The following ZNF418 variants were observed in gnomAD, a reference collection of about 807,000 sequenced individuals.
ZNF418 encodes the protein zinc finger protein 418.
Under a neutral mutation model 32.0 loss-of-function variants are expected in ZNF418, and 32 were observed. The ratio of observed to expected loss-of-function variants is 1.00; its 90% CI spans 0.75 to 1.34. The LOEUF (loss-of-function observed/expected upper bound fraction) is 1.34, where lower values mean the gene tolerates loss of function less well. Ranked by LOEUF, ZNF418 falls within the 40% of genes most tolerant of loss-of-function variation. The pLI is 0.00. For missense variants in ZNF418, 804 were observed against 812.5 expected, an observed-to-expected ratio of 0.99 and a Z score of 0.13; for synonymous variants, 276 against 270.7, an observed-to-expected ratio of 1.02 and a Z score of -0.19.
Position 57,933,874 on chromosome 19 carries a change from G to GTGTT in ZNF418, c.-56_-53dup, listed in dbSNP as rs759021761. ...TCCTTCCTCCTCCCTCAAACACAGT[G>GTGTT]TGTTCTCTTCTTTGCAGCCAGATGA... On this transcript the variant is annotated 5_prime_UTR_variant, in exon 2 of 6. An upstream open reading frame in the 5' UTR gains an earlier in-frame stop. Transcript: ENST00000396147. 1 of 1,614,040 alleles carries GTGTT rather than the reference G, an allele frequency of 6.2e-7. No homozygotes were observed.
Position 57,926,755 on chromosome 19 carries a change from G to C in ZNF418, c.1426C>G (p.His476Asp). ...KSHLIEHQRV[H>D]TGERPYECNE... is the part of the protein sequence containing the mutation. ...CATTCATATGGCCTTTCTCCAGTGTGAACTCTCTGGTGTTCAATGAGGTGG... is the reference window on the plus strand; with the variant it reads ...CATTCATATGGCCTTTCTCCAGTGTCAACTCTCTGGTGTTCAATGAGGTGG... The change falls in exon 4 of 6, where the codon CAC becomes GAC. Residue 476 changes from histidine to aspartate, a missense_variant. By Grantham distance (81) the His-to-Asp change is moderately conservative. Coordinates refer to ENST00000396147, the MANE Select transcript of ZNF418 (RefSeq NM_133460.3). The C allele has an allele frequency of 1.2e-6, 2 of 1,614,090 alleles. No individual in the cohort carries two copies. Among genetic ancestry groups the C allele is most frequent in the African/African-American group, 2.7e-5 (2 of 75,000 alleles).
Position 57,926,073 on chromosome 19 carries a change from A to G in ZNF418, c.*77T>C. On this transcript the variant is annotated 3_prime_UTR_variant, in exon 4 of 6. Coordinates refer to ENST00000396147, the MANE Select transcript of ZNF418 (RefSeq NM_133460.3). ...AATATCCCACGTTTGTCACACTCAT[A>G]AGGTCCTGATCCAGTAAGAACCCTC... 8.0e-7 allele frequency: 1 copy of G among 1,254,248 alleles called. No individual in the cohort carries two copies. Among genetic ancestry groups the G allele is most frequent in the Non-Finnish European group, 1.1e-6 (1 of 895,160 alleles). 77.7% of individuals were successfully genotyped at this position (1,254,248 alleles called of 1,614,324 possible). A position where few individuals can be genotyped will look rare whatever the true frequency, so the allele number is the denominator to read the frequency against.
At chr19:57,932,374 TGTGGCTGACAGAA>T in intron 2 of ZNF418, 2 of 1,505,822 alleles carry the variant, frequency 1.3e-6, no homozygotes, top group Non-Finnish European at 1.8e-6. Context: ...TATGCCACAA[TGTGGCTGACAGAA>T]TTCAGAGTAT....
intron 1 of ZNF418, chr19:57,934,939 C>G: frequency 8.2e-7 from 1 of 1,212,374 alleles, no homozygotes; most frequent in African/African-American, 1.6e-5. Context: ...CAGGTTCCAT[C>G]CTCCCGGGTC....
intron 2 of ZNF418, among the ~76,000 whole-genome samples, chr19:57,931,369 T>C (rs754260845): frequency 6.6e-6 from 1 of 151,996 alleles, no homozygotes; most frequent in African/African-American, 2.4e-5. Context: ...ACCTGGCTAA[T>C]TTTTGTATTT....
chr19:57,924,558 A>C (rs1031671529), intron 4 of ZNF418, among the ~76,000 whole-genome samples: 3 of 152,202 alleles, frequency 2.0e-5, no homozygotes, highest in Admixed American at 2.0e-4. Flanking sequence ...CGTGCATTCC[A>C]ACTCTGTTCT....
chr19:57,928,511 A>T (rs1197650287), intron 3 of ZNF418, among the ~76,000 whole-genome samples: 1 of 152,002 alleles, frequency 6.6e-6, no homozygotes, highest in Non-Finnish European at 1.5e-5. Context: ...AAATCCACCC[A>T]CATCGGCCTC....
At chr19:57,924,690 C>T (rs2072143324) in intron 4 of ZNF418, among the ~76,000 whole-genome samples, 1 of 152,138 alleles carries the variant, frequency 6.6e-6, no homozygotes, top group South Asian at 2.1e-4. Context: ...GGCTGCATTC[C>T]AGGACCTAGG....
chr19:57,930,237 G>A (rs535633353), intron 3 of ZNF418, among the ~76,000 whole-genome samples, 191 bp downstream of exon 3: 7 of 152,276 alleles, frequency 4.6e-5, no homozygotes, highest in East Asian at 1.9e-4. Flanking sequence ...AGCAAAGCAC[G>A]TATTGGGACT....
chr19:57,923,563 CACATATAT>C (rs1568536614), intron 4 of ZNF418, among the ~76,000 whole-genome samples: 1 of 135,944 alleles, frequency 7.4e-6, no homozygotes, highest in Admixed American at 7.5e-5. Flanking sequence ...CACACACACA[CACATATAT>C]ACACATATAT....
Position 57,927,127 on chromosome 19 carries a change from T to C in ZNF418, c.1054A>G (p.Thr352Ala). Reference protein sequence around the residue: ...YECEECGKCFTQKGNLIQHQR... With the variant: ...YECEECGKCFAQKGNLIQHQR... Reference sequence around the variant, plus strand: ...TGTTGAATGAGATTGCCCTTCTGAGTAAAACATTTCCCACATTCTTCACAC... The same window carrying C: ...TGTTGAATGAGATTGCCCTTCTGAGCAAAACATTTCCCACATTCTTCACAC... Residue 352 changes from threonine to alanine, a missense_variant, in exon 4 of 6, where the codon ACT becomes GCT. By Grantham distance (58) the Thr-to-Ala change is moderately conservative. Transcript: ENST00000396147. 6 of 1,614,060 alleles carry C rather than the reference T, an allele frequency of 3.7e-6. No individual in the cohort carries two copies. Among genetic ancestry groups the C allele is most frequent in the Non-Finnish European group, 5.1e-6 (6 of 1,179,982 alleles).
Position 57,933,712 on chromosome 19 carries a change from C to T in ZNF418, c.6+105G>A, listed in dbSNP as rs1358320633. 17 of 1,428,894 alleles carry T rather than the reference C, an allele frequency of 1.2e-5. No individual in the cohort carries two copies. The South Asian group carries it at 1.8e-4, about 15-fold the overall frequency. The allele number at this position is 1,428,894 out of a possible 1,614,324, so 88.5% of individuals were successfully genotyped here. A position where few individuals can be genotyped will look rare whatever the true frequency, so the allele number is the denominator to read the frequency against. The stretch of plus-strand genomic sequence containing the variant: ...CTCCAGCCTGGGCGATAGAGCGAGA[C>T]TCCCGCTCAAAAAAAAAAGGAAAAT... On this transcript the variant is annotated intron_variant, in intron 2 of 5. Transcript: ENST00000396147.
chr19:57,926,082 A>G lies in ZNF418; in HGVS notation c.*68T>C, dbSNP rs1429210668. ...CGTTTGTCACACTCATAAGGTCCTG[A>G]TCCAGTAAGAACCCTCTGATCAAGA... On this transcript the variant is annotated 3_prime_UTR_variant, in exon 4 of 6. Transcript: ENST00000396147. The G allele has an allele frequency of 8.1e-6, 11 of 1,352,936 alleles. No homozygotes were observed. The African/African-American group carries it at 1.5e-4, about 18-fold the overall frequency. The allele number at this position is 1,352,936 out of a possible 1,614,324, so 83.8% of individuals were successfully genotyped here. A position where few individuals can be genotyped will look rare whatever the true frequency, so the allele number is the denominator to read the frequency against.
chr19:57,926,667 G>C lies in ZNF418; in HGVS notation c.1514C>G (p.Thr505Ser). 6.2e-7 allele frequency: 1 copy of C among 1,614,158 alleles called. No individual in the cohort carries two copies. Among genetic ancestry groups the C allele is most frequent in the Non-Finnish European group, 8.5e-7 (1 of 1,180,026 alleles). Residue 505 changes from threonine (T) to serine (S), a missense_variant, in exon 4 of 6, where the codon ACT becomes AGT. Physicochemically the swap from Thr to Ser is moderately conservative, Grantham distance 58 (BLOSUM62 1). Transcript: ENST00000396147. ...ACTACACTCAAACGGTTTTTCTCCA[G>C]TGTGAACTCTCTGATGAACACGAAA... ...SGFRVHQRVH[T>S]GEKPFECSEC...
chr19:57,931,403 T>C (rs1176795612), intron 2 of ZNF418, among the ~76,000 whole-genome samples: 1 of 152,114 alleles, frequency 6.6e-6, no homozygotes, highest in East Asian at 1.9e-4. Context: ...GGTTTCACCA[T>C]GTTGGCTAGG....
chr19:57,928,660 T>C (rs565413494), intron 3 of ZNF418, among the ~76,000 whole-genome samples: 3 of 152,196 alleles, frequency 2.0e-5, no homozygotes, highest in Non-Finnish European at 4.4e-5. Flanking sequence ...AAGAAAATGA[T>C]TTACAAGACA....
intron 4 of ZNF418, among the ~76,000 whole-genome samples, chr19:57,923,750 A>AT (rs1054628061): frequency 1.3e-5 from 2 of 150,938 alleles, no homozygotes; most frequent in Non-Finnish European, 3.0e-5. Flanking sequence ...AATTTTTTGT[A>AT]TTTTTTTAGT....
In ZNF418 at chr19:57,925,941, T is replaced by C; in HGVS notation, c.*209A>G. ...TGTTTTCCTTATGAGAACAATCTGTTATCCAATGACAGAAGGCAGAAGGCT... is the reference window on the plus strand; with the variant it reads ...TGTTTTCCTTATGAGAACAATCTGTCATCCAATGACAGAAGGCAGAAGGCT... On this transcript the variant is annotated 3_prime_UTR_variant, in exon 4 of 6. Coordinates refer to ENST00000396147, the MANE Select transcript of ZNF418 (RefSeq NM_133460.3). The C allele has an allele frequency of 1.8e-6, 1 of 569,388 alleles. No individual in the cohort carries two copies. The highest frequency in any genetic ancestry group is 2.8e-5 in the East Asian group (1 of 35,652). The allele number at this position is 569,388 out of a possible 1,614,324, so 35.3% of individuals were successfully genotyped here.
chr19:57,934,808 C>T (rs926856098), intron 1 of ZNF418: 2 of 297,896 alleles, frequency 6.7e-6, no homozygotes, highest in South Asian at 9.0e-5. Flanking sequence ...GATCGCATCC[C>T]TCCTTTCTTC....
Sources: allele counts gnomAD v4.1 joint callset (sites outside exome capture counted in the v4.1 genomes callset), GRCh38; gene constraint gnomAD v4.1.1; transcripts MANE v1.5; gene names NCBI Gene and HGNC (gene_info 2026-07-23, HGNC 2026-07-21).